The following MPPED1 variants were observed in gnomAD, a reference collection of about 807,000 sequenced individuals.
The protein encoded by MPPED1 is metallophosphoesterase domain-containing protein 1.
Under a neutral mutation model 36.2 loss-of-function variants are expected in MPPED1, and 16 were observed. The ratio of observed to expected loss-of-function variants is 0.44; its 90% confidence interval spans 0.30 to 0.67. The LOEUF is 0.67. Ranked by LOEUF, MPPED1 falls within the 30% of genes least tolerant of loss-of-function variation. The pLI is 0.10. For synonymous variants in MPPED1, 199 were observed against 191.3 expected (o/e 1.04, Z -0.33); for missense variants, 307 against 453.4 (o/e 0.68, Z 2.93).
rs892304509 is a variant in MPPED1, at chr22:43,462,202, T to C, written c.407-12534T>C. ...AACAAGTGAAAGGTCAGGGTGGCCC[T>C]GGACAGAGTTGGGAAGTGGAAGAGA... On this transcript the variant is annotated intron_variant, in intron 3 of 6. Transcript: ENST00000443721. Among the ~76,000 whole-genome samples, 16 of 152,368 alleles carry C rather than the reference T, an allele frequency of 1.1e-4. 1 individual carries two copies. The East Asian group carries it at 2.9e-3, about 28-fold the overall frequency.
chr22:43,422,463 A>G (rs2146816315), intron 1 of MPPED1, among the ~76,000 whole-genome samples: 1 of 152,306 alleles, frequency 6.6e-6, no homozygotes, highest in East Asian at 1.9e-4. Flanking sequence ...GACCAGTCGT[A>G]GGGCCAGACC....
At chr22:43,497,075 G>GTGGTGGAAGTGGTGA (rs1932437421) in intron 4 of MPPED1, among the ~76,000 whole-genome samples, 1 of 148,002 alleles carries the variant, frequency 6.8e-6, no homozygotes, top group South Asian at 2.2e-4. Context: ...GGTGGAGGTG[G>GTGGTGGAAGTGGTGA]TGGTGGAGGT....
intron 4 of MPPED1, among the ~76,000 whole-genome samples, chr22:43,480,413 G>T (rs763447863): frequency 1.8e-4 from 27 of 152,234 alleles, no homozygotes; most frequent in Non-Finnish European, 3.5e-4. Context: ...TGCTGGTGCA[G>T]TGTCTCTGGG....
intron 4 of MPPED1, among the ~76,000 whole-genome samples, chr22:43,475,592 GTGA>G (rs1931533756): frequency 7.5e-6 from 1 of 132,730 alleles, no homozygotes; most frequent in Admixed American, 7.4e-5. Context: ...GGTGGTGGTG[GTGA>G]TGGTGGTGAT....
rs371318180 is a variant in MPPED1, at chr22:43,491,802, G to C, written c.633-6433G>C. 1.1e-3 allele frequency among the ~76,000 whole-genome samples: 168 copies of C among 150,428 alleles called. 5 individuals are homozygous for C. In the East Asian group the frequency reaches 0.022, roughly 20 times the overall value. ...GGAGGTGGTGGTAATGATTGAGGTG[G>C]TGGTGATGGTGGTGATGATGGAGGT... On this transcript the variant is annotated intron_variant, in intron 4 of 6. Coordinates refer to ENST00000443721, the MANE Select transcript of MPPED1 (RefSeq NM_001044370.2).
chr22:43,492,798 AGG>A (rs1224780626), intron 4 of MPPED1, among the ~76,000 whole-genome samples: 6 of 152,064 alleles, frequency 3.9e-5, no homozygotes, highest in Admixed American at 2.0e-4. Flanking sequence ...CTTGGCTGGT[AGG>A]GGACTGGGGA....
rs1289195793 is a variant in MPPED1, at chr22:43,506,334, G to A, written c.*718G>A. On this transcript the variant is annotated 3_prime_UTR_variant, in exon 7 of 7. Transcript: ENST00000443721. Reference sequence around the variant, plus strand: ...CCACTGGCATTCGTGCCCAGGACCAGTGAGAGCGTTCCCAGTCATGGGGGG... The same window carrying A: ...CCACTGGCATTCGTGCCCAGGACCAATGAGAGCGTTCCCAGTCATGGGGGG... 6.6e-6 allele frequency: 1 copy of A among 152,668 alleles called. No individual in the cohort carries two copies. Among genetic ancestry groups the A allele is most frequent in the Non-Finnish European group, 1.5e-5 (1 of 68,166 alleles). The allele number at this position is 152,668 out of a possible 1,614,324, so 9.5% of individuals were successfully genotyped here.
intron 3 of MPPED1, among the ~76,000 whole-genome samples, chr22:43,443,622 G>A (rs1464691185): frequency 6.6e-6 from 1 of 152,054 alleles, no homozygotes; most frequent in Non-Finnish European, 1.5e-5. Context: ...ATTTGTTAAA[G>A]GAATGAGGAA....
chr22:43,485,902 G>A (rs759627612), intron 4 of MPPED1, among the ~76,000 whole-genome samples: 1 of 152,242 alleles, frequency 6.6e-6, no homozygotes, highest in Non-Finnish European at 1.5e-5. Context: ...CTTTGGGGAC[G>A]CGTTGCCAGC....
Position 43,502,650 on chromosome 22 carries a change from T to G in MPPED1, c.755T>G (p.Leu252Arg). ...LITHGPPLGF[L>R]DWVPKKMQRV... ...GTTGTCTCCCCCATACCAGGCTTCC[T>G]GGACTGGGTCCCCAAGAAGATGCAG... is the stretch of plus-strand genomic sequence containing the variant. The change falls in exon 6 of 7, where the codon CTG (leucine) becomes CGG (arginine). Residue 252 changes from leucine (L) to arginine (R), a missense_variant. Leu to Arg is a moderately radical substitution (Grantham distance 102). This residue lies in a region of MPPED1 where 132 missense variants were observed against 212.3 expected (regional missense o/e 0.62). Transcript: ENST00000443721. The surrounding 1 kb of genome is among the most constrained non-coding windows in gnomAD (Gnocchi z 5.5). 1 of 1,613,226 alleles carries G rather than the reference T, an allele frequency of 6.2e-7. No individual in the cohort carries two copies. Among genetic ancestry groups the G allele is most frequent in the Non-Finnish European group, 8.5e-7 (1 of 1,179,810 alleles).
At chr22:43,430,371 T>G (rs976201580) in intron 2 of MPPED1, among the ~76,000 whole-genome samples, 1 of 152,130 alleles carries the variant, frequency 6.6e-6, no homozygotes, top group Non-Finnish European at 1.5e-5. Context: ...GCTGTGAAGG[T>G]TGGTGAAGTT....
intron 4 of MPPED1, among the ~76,000 whole-genome samples, chr22:43,487,459 C>T (rs970787627): frequency 1.3e-5 from 2 of 152,114 alleles, no homozygotes; most frequent in African/African-American, 4.8e-5. Context: ...ATCCTAAAGC[C>T]CCGTGTGCCA....
intron 4 of MPPED1, among the ~76,000 whole-genome samples, chr22:43,489,814 C>T (rs916416603): frequency 1.3e-5 from 2 of 152,274 alleles, no homozygotes; most frequent in African/African-American, 2.4e-5. Flanking sequence ...CCGCTGCACC[C>T]GGCCCCTGTC....
intron 2 of MPPED1, among the ~76,000 whole-genome samples, chr22:43,426,472 A>C (rs1029023902): frequency 2.6e-5 from 4 of 152,098 alleles, no homozygotes; most frequent in Non-Finnish European, 5.9e-5. Flanking sequence ...CTGGTGCCCC[A>C]AAAAGGGTCC....
At chr22:43,444,608 C>G (rs540529221) in intron 3 of MPPED1, among the ~76,000 whole-genome samples, 3 of 152,212 alleles carry the variant, frequency 2.0e-5, no homozygotes, top group African/African-American at 7.2e-5. Context: ...GGTGGCCCAC[C>G]TGCCTTGGCC....
At position 43,434,362 on chromosome 22, in the gene MPPED1, A is replaced by G. The variant is rs560375704; in HGVS notation, c.225-672A>G. ...TTCCTTTAGGGTCTTTATTTCACAC[A>G]TTCTCCTGAAACTCCCCCTCCCGTG... On this transcript the variant is annotated intron_variant, in intron 2 of 6. Coordinates refer to ENST00000443721, the MANE Select transcript of MPPED1 (RefSeq NM_001044370.2). Among the ~76,000 whole-genome samples the G allele has an allele frequency of 4.8e-3, 730 of 152,144 alleles. 4 individuals are homozygous for G. The highest frequency in any genetic ancestry group is 0.017 in the African/African-American group (711 of 41,496).
intron 3 of MPPED1, among the ~76,000 whole-genome samples, chr22:43,442,415 G>C (rs555608455): frequency 6.6e-6 from 1 of 151,920 alleles, no homozygotes; most frequent in Non-Finnish European, 1.5e-5. Context: ...ATCCTGCCCC[G>C]TGGCTGCCCC....
At chr22:43,446,574 C>G (rs545609025) in intron 3 of MPPED1, among the ~76,000 whole-genome samples, 19 of 152,130 alleles carry the variant, frequency 1.2e-4, no homozygotes, top group Admixed American at 9.8e-4. Flanking sequence ...TGGAACCCCA[C>G]GGAGAGTCTG....
At chr22:43,449,422 A>ACCCCCCCCCCCCCCCC (rs135045) in intron 3 of MPPED1, among the ~76,000 whole-genome samples, 132 of 127,360 alleles carry the variant, frequency 1.0e-3, no homozygotes, top group Non-Finnish European at 1.3e-3. Context: ...GACAGTGCCA[A>ACCCCCCCCCCCCCCCC]CCCCCCCCGC....
Sources: gnomAD v4.1 joint callset for allele counts (sites outside exome capture counted in the v4.1 genomes callset) on GRCh38, gnomAD v4.1.1 for gene constraint, gnomAD v4.1.1 regional missense constraint, Gnocchi (gnomAD v3.1) non-coding constraint, MANE v1.5 for transcripts, NCBI Gene and HGNC (gene_info 2026-07-23, HGNC 2026-07-21) for gene names.